Variants in SPAG9 observed in about 807,000 individuals in gnomAD.
SPAG9 encodes sperm associated antigen 9.
A neutral mutation model predicts 166.5 loss-of-function variants in SPAG9; 35 were observed. That is an observed-to-expected ratio of 0.21 (90% confidence interval 0.16 to 0.28). The LOEUF (loss-of-function observed/expected upper bound fraction) is 0.28, where lower values mean the gene tolerates loss of function less well. Among genes scored for constraint, SPAG9 ranks in the 10% least tolerant of loss-of-function variants. The pLI, the probability that SPAG9 is intolerant of heterozygous loss-of-function variation, is 1.00. For synonymous variants in SPAG9, 534 were observed against 565.5 expected (o/e 0.94, Z 0.79); for missense variants, 1,235 against 1,603.3 (o/e 0.77, Z 3.92).
intron 1 of SPAG9, among the ~76,000 whole-genome samples, chr17:51,110,200 T>C (rs1016090065): frequency 1.3e-5 from 2 of 152,140 alleles, no homozygotes; most frequent in East Asian, 3.8e-4. Context: ...TGTGTATGTG[T>C]GTATATGTGT....
At chr17:50,995,373 C>G in intron 17 of SPAG9, 71 bp downstream of exon 17, 1 of 1,374,398 alleles carries the variant, frequency 7.3e-7, no homozygotes, top group Non-Finnish European at 1.0e-6. Context: ...AATACTTATA[C>G]TTTTTTGGTT....
rs113770260 is a variant in SPAG9, at chr17:51,002,284, T to C, written c.1477-439A>G. On this transcript the variant is annotated intron_variant, in intron 12 of 29. Coordinates refer to ENST00000262013, the MANE Select transcript of SPAG9 (RefSeq NM_001130528.3). ...CTCCTGCCTCAGCTTCTCAAAGTGT[T>C]GGGACTACAGGTGTAAGCCACTGTG... 6.6e-3 allele frequency among the ~76,000 whole-genome samples: 1,001 copies of C among 152,304 alleles called. 8 individuals are homozygous for C. The highest frequency in any genetic ancestry group is 0.022 in the African/African-American group (935 of 41,578).
In SPAG9 at chr17:51,020,253, C is replaced by T. The variant is rs1396652757; in HGVS notation, c.997G>A (p.Ala333Thr). Residue 333 changes from alanine (A) to threonine (T), a missense_variant, in exon 8 of 30, where the codon GCT becomes ACT. Ala to Thr is a moderately conservative substitution (Grantham distance 58). This residue lies in a region of SPAG9 where 288 missense variants were observed against 323.7 expected (regional missense o/e 0.89). Transcript: ENST00000262013. ...QETRNVSTGS[A>T]ENEEKSEVQA... is the part of the protein sequence containing the mutation. ...ACTTCTGACTTTTCTTCATTTTCAG[C>T]AGAGCCTTAAAAAAGGACATGATGA... 2.5e-6 allele frequency: 4 copies of T among 1,607,826 alleles called. No homozygotes were observed. The highest frequency in any genetic ancestry group is 2.6e-6 in the Non-Finnish European group (3 of 1,174,704).
intron 27 of SPAG9, chr17:50,975,457 T>C: frequency 4.8e-6 from 1 of 207,442 alleles, no homozygotes; most frequent in Non-Finnish European, 9.6e-6. Flanking sequence ...GCAGCTTTTA[T>C]TGATACCAGA....
At chr17:51,067,820 G>A (rs1340623210) in intron 2 of SPAG9, among the ~76,000 whole-genome samples, 1 of 152,132 alleles carries the variant, frequency 6.6e-6, no homozygotes, top group African/African-American at 2.4e-5. Context: ...TAATGATGGA[G>A]ATACTTCAGC....
intron 2 of SPAG9, among the ~76,000 whole-genome samples, chr17:51,058,589 G>A (rs896655782): frequency 6.6e-6 from 1 of 152,112 alleles, no homozygotes; most frequent in African/African-American, 2.4e-5. Flanking sequence ...TTGGGCAGAG[G>A]GGAGTATGCT....
In SPAG9 at chr17:51,069,326, TTTAA is replaced by T. The variant is rs1269093036; in HGVS notation, c.424+10254_424+10257del. ...GAAAAAGTGTCCTATTACAGTATTA[TTTAA>T]TTTTTTCAAAATACTAACATTCATT... On this transcript the variant is annotated intron_variant, in intron 2 of 29. Coordinates refer to ENST00000262013, the MANE Select transcript of SPAG9 (RefSeq NM_001130528.3). Among the ~76,000 whole-genome samples the T allele has an allele frequency of 3.9e-5, 6 of 152,228 alleles. No individual in the cohort carries two copies. In the East Asian group the frequency reaches 5.8e-4, roughly 15 times the overall value.
intron 1 of SPAG9, among the ~76,000 whole-genome samples, chr17:51,119,304 A>G (rs78249225): frequency 6.6e-6 from 1 of 152,208 alleles, no homozygotes; most frequent in African/African-American, 2.4e-5. Flanking sequence ...CATTCCTTCA[A>G]TAATTAGTTA....
intron 6 of SPAG9, chr17:51,030,783 A>G (rs2046354657): frequency 6.6e-6 from 1 of 152,204 alleles, no homozygotes; most frequent in Non-Finnish European, 1.5e-5. Flanking sequence ...AAGGAAGAGG[A>G]TACTGTTTCA....
intron 1 of SPAG9, among the ~76,000 whole-genome samples, chr17:51,103,866 ATTTCCCTGGCACTTT>A (rs1480859057): frequency 2.0e-5 from 3 of 152,096 alleles, no homozygotes; most frequent in Non-Finnish European, 4.4e-5. Flanking sequence ...ATTCAGAAAA[ATTTCCCTGGCACTTT>A]CAACGTGCTA....
chr17:51,026,772 G>A (rs1021793128), intron 6 of SPAG9, among the ~76,000 whole-genome samples: 5 of 151,056 alleles, frequency 3.3e-5, no homozygotes, highest in African/African-American at 1.2e-4. Context: ...TGCCTCCCAG[G>A]TTCAAGTGAT....
In SPAG9 at chr17:51,056,426, G is replaced by T; in HGVS notation, c.481C>A (p.Gln161Lys). 6.2e-7 allele frequency: 1 copy of T among 1,604,822 alleles called. No homozygotes were observed. Among genetic ancestry groups the T allele is most frequent in the Non-Finnish European group, 8.5e-7 (1 of 1,171,930 alleles). The change falls in exon 3 of 30, where the codon CAA becomes AAA. Residue 161 changes from glutamine (Q) to lysine (K), a missense_variant. Around this residue, in one of 6 missense-constraint regions of SPAG9, gnomAD observed 288 missense variants for 323.7 expected, o/e 0.89. Coordinates refer to ENST00000262013, the MANE Select transcript of SPAG9 (RefSeq NM_001130528.3). ...ELKKEYNALH[Q>K]RHTEMIHNYM... ...TAGAAACCCACCTCAGTGTGTCTTT[G>T]ATGTAATGCATTATATTCCTTCTTC...
At chr17:50,992,340 TG>T (rs1407963685) in intron 19 of SPAG9, among the ~76,000 whole-genome samples, 2 of 152,220 alleles carry the variant, frequency 1.3e-5, no homozygotes, top group Non-Finnish European at 2.9e-5. Context: ...GGTTCATCTG[TG>T]TTATAACATG....
intron 1 of SPAG9, among the ~76,000 whole-genome samples, chr17:51,116,414 T>A (rs1370014512): frequency 6.6e-6 from 1 of 152,098 alleles, no homozygotes; most frequent in African/African-American, 2.4e-5. Flanking sequence ...AACCCTAACA[T>A]ACCCAGTTAT....
chr17:51,113,840 C>G (rs531144619), intron 1 of SPAG9, among the ~76,000 whole-genome samples: 2 of 151,382 alleles, frequency 1.3e-5, no homozygotes, highest in African/African-American at 4.8e-5. Context: ...ACAAAAAATA[C>G]AAAAATTAGC....
At chr17:51,037,685 A>ATATATATATATATATATAGT in intron 5 of SPAG9, among the ~76,000 whole-genome samples, 11 of 83,502 alleles carry the variant, frequency 1.3e-4, no homozygotes, top group African/African-American at 3.1e-4. Flanking sequence ...ATATATATAT[A>ATATATATATATATATATAGT]GTGTGTGTGT....
At chr17:51,098,168 T>G (rs963929203) in intron 1 of SPAG9, among the ~76,000 whole-genome samples, 16 of 145,600 alleles carry the variant, frequency 1.1e-4, no homozygotes, top group African/African-American at 3.7e-4. Context: ...TTATGTGTGT[T>G]TTTTTTTTCA....
intron 5 of SPAG9, among the ~76,000 whole-genome samples, chr17:51,037,665 T>TATATATATATATATATATA (rs2046646737): frequency 5.4e-5 from 5 of 92,908 alleles, no homozygotes; most frequent in African/African-American, 1.9e-4. Context: ...TATATGTGTT[T>TATATATATATATATATATA]TATATATATA....
At chr17:51,022,787 A>G (rs1398539193) in intron 6 of SPAG9, among the ~76,000 whole-genome samples, 1 of 151,512 alleles carries the variant, frequency 6.6e-6, no homozygotes, top group Non-Finnish European at 1.5e-5. Flanking sequence ...TGTCTCTACT[A>G]AAAATACAAA....
Sources: gnomAD v4.1 joint callset for allele counts (sites outside exome capture counted in the v4.1 genomes callset) on GRCh38, gnomAD v4.1.1 for gene constraint, gnomAD v4.1.1 regional missense constraint, MANE v1.5 for transcripts, NCBI Gene and HGNC (gene_info 2026-07-23, HGNC 2026-07-21) for gene names.